The following STX12 variants were observed in gnomAD, a reference collection of about 807,000 sequenced individuals.
STX12 encodes the protein syntaxin 12.
In STX12, 17 loss-of-function variants were observed where a neutral mutation model predicts 42.2. That is an observed-to-expected ratio of 0.40 (90% CI 0.28 to 0.60). STX12 has a LOEUF of 0.60. STX12 is among the 20% of genes least tolerant of loss of function. The pLI is 0.39. For synonymous variants in STX12, 108 were observed against 116.7 expected, an observed-to-expected ratio of 0.93 and a Z score of 0.48; for missense variants, 297 against 330.9, an observed-to-expected ratio of 0.90 and a Z score of 0.79.
intron 3 of STX12, among the ~76,000 whole-genome samples, chr1:27,794,315 C>T (rs1363637355): frequency 6.6e-6 from 1 of 152,214 alleles, no homozygotes; most frequent in Non-Finnish European, 1.5e-5. Context: ...GCGTGAGCCC[C>T]ATGCCCAGGG....
chr1:27,791,660 A>C (rs543583612), intron 2 of STX12, among the ~76,000 whole-genome samples: 227 of 151,760 alleles, frequency 1.5e-3, no homozygotes, highest in African/African-American at 5.1e-3. Flanking sequence ...CTAAAAATAC[A>C]AAAAATTAGC....
In STX12 at chr1:27,819,495, A is replaced by G. The variant is rs115963001; in HGVS notation, c.650-155A>G. 0.12 allele frequency among the ~76,000 whole-genome samples: 18,666 copies of G among 151,994 alleles called. 3,803 individuals carry two copies. Among genetic ancestry groups the G allele is most frequent in the African/African-American group, 0.43 (17,545 of 41,272 alleles). ...ATTCATTGTTTTTTCTCCAAAGAAA[A>G]GGCTAGTCTCTTACCAAGGTAGTAA... On this transcript the variant is annotated intron_variant, in intron 7 of 8. Transcript: ENST00000373943.
chr1:27,792,105 G>A lies in STX12; in HGVS notation c.189-1428G>A, dbSNP rs529121083. On this transcript the variant is annotated intron_variant, in intron 2 of 8. Coordinates refer to ENST00000373943, the MANE Select transcript of STX12 (RefSeq NM_177424.3). ...ATAGTATATAAATATAAAATATATA[G>A]TATATAAATATATAATATATATCTA... is the stretch of plus-strand genomic sequence containing the variant. Among the ~76,000 whole-genome samples, 151 of 124,888 alleles carry A rather than the reference G, an allele frequency of 1.2e-3. 11 individuals are homozygous for A. Among genetic ancestry groups the A allele is most frequent in the African/African-American group, 5.3e-3 (141 of 26,628 alleles). 81.9% of individuals were successfully genotyped at this position (124,888 alleles called of 152,430 possible). A position where few individuals can be genotyped will look rare whatever the true frequency, so the allele number is the denominator to read the frequency against.
chr1:27,807,351 A>G (rs1419034904), intron 4 of STX12, among the ~76,000 whole-genome samples: 1 of 152,114 alleles, frequency 6.6e-6, no homozygotes, highest in Non-Finnish European at 1.5e-5. Context: ...CCCCGCCACC[A>G]GTCCCCCACC....
intron 3 of STX12, among the ~76,000 whole-genome samples, chr1:27,795,930 G>C (rs894646678): frequency 2.0e-5 from 3 of 152,142 alleles, no homozygotes; most frequent in Admixed American, 2.0e-4. Context: ...CTTGTAGACA[G>C]TTTTCATAGT....
At chr1:27,796,695 T>C (rs2088787819) in intron 3 of STX12, among the ~76,000 whole-genome samples, 1 of 150,384 alleles carries the variant, frequency 6.6e-6, no homozygotes, top group South Asian at 2.1e-4. Flanking sequence ...CCAGGCCCTT[T>C]GTAAAGAGTT....
chr1:27,799,717 C>T (rs2088814191), intron 3 of STX12, among the ~76,000 whole-genome samples: 1 of 151,898 alleles, frequency 6.6e-6, no homozygotes, highest in African/African-American at 2.4e-5. Flanking sequence ...CTCCTGGCCT[C>T]GTGATCTGCC....
At chr1:27,786,361 C>T (rs1026371573) in intron 1 of STX12, among the ~76,000 whole-genome samples, 1 of 152,158 alleles carries the variant, frequency 6.6e-6, no homozygotes, top group African/African-American at 2.4e-5. Flanking sequence ...GATCTCAGCT[C>T]AGTGTCACCT....
Position 27,795,939 on chromosome 1 carries a change from G to C in STX12, c.288+2307G>C, listed in dbSNP as rs371833068. 2.0e-5 allele frequency among the ~76,000 whole-genome samples: 3 copies of C among 152,030 alleles called. No individual in the cohort carries two copies. In the East Asian group the frequency reaches 5.8e-4, roughly 29 times the overall value. On this transcript the variant is annotated intron_variant, in intron 3 of 8. Coordinates refer to ENST00000373943, the MANE Select transcript of STX12 (RefSeq NM_177424.3). ...TACACACTTGTAGACAGTTTTCATAGTAACAAAAAAGGAGTTGAAGGGTCT... is the reference window on the plus strand; with the variant it reads ...TACACACTTGTAGACAGTTTTCATACTAACAAAAAAGGAGTTGAAGGGTCT...
At chr1:27,809,332 T>TA (rs2088887253) in intron 4 of STX12, among the ~76,000 whole-genome samples, 1 of 140,660 alleles carries the variant, frequency 7.1e-6, no homozygotes, top group African/African-American at 2.7e-5. Context: ...AGATTCCATC[T>TA]CAAAAAAAAA....
At chr1:27,784,121 G>A (rs57723533) in intron 1 of STX12, among the ~76,000 whole-genome samples, 6 of 152,062 alleles carry the variant, frequency 3.9e-5, no homozygotes, top group Admixed American at 3.9e-4. Context: ...CAGAGGTTGC[G>A]GTGAGCTGAG....
chr1:27,773,495 G>A, intron 1 of STX12, 70 bp downstream of exon 1: 5 of 1,421,238 alleles, frequency 3.5e-6, no homozygotes, highest in South Asian at 1.2e-5. Flanking sequence ...CTGCCGGGAC[G>A]CAGGGCCCGG....
intron 3 of STX12, among the ~76,000 whole-genome samples, chr1:27,799,477 G>GTTTTTTTTTGTTTTTTTTTTT (rs2088811549): frequency 7.7e-6 from 1 of 130,714 alleles, no homozygotes; most frequent in African/African-American, 3.2e-5. Flanking sequence ...TCATTAGCTT[G>GTTTTTTTTTGTTTTTTTTTTT]TTTTTTTTTT....
intron 1 of STX12, chr1:27,773,930 T>A (rs1266108214): frequency 6.4e-6 from 1 of 155,662 alleles, no homozygotes; most frequent in East Asian, 1.9e-4. Context: ...TGCATGTGTT[T>A]GGGTGACTTC....
chr1:27,805,598 T>C (rs1557804712), intron 4 of STX12, among the ~76,000 whole-genome samples: 2 of 152,230 alleles, frequency 1.3e-5, no homozygotes, highest in Non-Finnish European at 2.9e-5. Flanking sequence ...CTTTTACCAG[T>C]GAATGTTATA....
At chr1:27,790,491 T>C (rs2088732474) in intron 2 of STX12, among the ~76,000 whole-genome samples, 2 of 152,218 alleles carry the variant, frequency 1.3e-5, no homozygotes, top group African/African-American at 2.4e-5. Context: ...GATTGCTGAT[T>C]GGTGCATTTT....
At chr1:27,785,187 C>CT (rs1389040809) in intron 1 of STX12, among the ~76,000 whole-genome samples, 3 of 152,232 alleles carry the variant, frequency 2.0e-5, no homozygotes, top group East Asian at 1.9e-4. Context: ...ATTTCCTTGA[C>CT]TTTTTTTGTC....
chr1:27,786,515 G>C (rs1355311451), intron 1 of STX12, among the ~76,000 whole-genome samples: 3 of 152,012 alleles, frequency 2.0e-5, no homozygotes, highest in Admixed American at 2.0e-4. Flanking sequence ...TGTCACCTCA[G>C]CTTTTACCTG....
intron 1 of STX12, among the ~76,000 whole-genome samples, chr1:27,786,082 C>G (rs1306976868): frequency 1.3e-5 from 2 of 152,176 alleles, no homozygotes; most frequent in African/African-American, 4.8e-5. Context: ...GGTTTAAATT[C>G]TGGTTGTAAT....
Sources: gnomAD v4.1 joint callset for allele counts (sites outside exome capture counted in the v4.1 genomes callset) on GRCh38, gnomAD v4.1.1 for gene constraint, MANE v1.5 for transcripts, NCBI Gene and HGNC (gene_info 2026-07-23, HGNC 2026-07-21) for gene names.